GSE1: variants seen among roughly 807,000 people sequenced by gnomAD.
GSE1 encodes genetic suppressor element 1.
GSE1 carries 32 observed loss-of-function variants against 112.6 expected under a neutral mutation model. The observed-to-expected ratio is 0.28, with a 90% CI of 0.21 to 0.38. GSE1 has a LOEUF of 0.38. GSE1 is among the 10% of genes least tolerant of loss of function. The pLI is 1.00. For synonymous variants in GSE1, 1,115 were observed against 735.6 expected, an observed-to-expected ratio of 1.52 and a Z score of -8.35; for missense variants, 2,348 against 1,699.2, an observed-to-expected ratio of 1.38 and a Z score of -6.71.
chr16:85,547,386 C>A (rs925682879), intron 2 of GSE1, among the ~76,000 whole-genome samples: 1 of 152,188 alleles, frequency 6.6e-6, no homozygotes, highest in Non-Finnish European at 1.5e-5. Flanking sequence ...TTCCAGCACC[C>A]GGGGAATCCA....
chr16:85,672,692 G>C lies in GSE1; in HGVS notation c.*153G>C. 2 of 494,708 alleles carry C rather than the reference G, an allele frequency of 4.0e-6. No individual in the cohort carries two copies. Among genetic ancestry groups the C allele is most frequent in the East Asian group, 3.2e-5 (1 of 31,452 alleles). The allele number at this position is 494,708 out of a possible 1,614,324, so 30.6% of individuals were successfully genotyped here. On this transcript the variant is annotated 3_prime_UTR_variant, in exon 16 of 16. Transcript: ENST00000253458. ...AAGGATTCCAGGCTCCAGAAAAAAT[G>C]AATGAACTCACCTTGACGTCAATGC...
chr16:85,171,767 G>C (rs2074361987), exon 1 of GSE1: 1 of 985,494 alleles, frequency 1.0e-6, no homozygotes, highest in African/African-American at 1.7e-5. Context: ...ACCCGCCAAG[G>C]ACCCATGAGC....
At chr16:85,308,181 C>G (rs1007683733) in intron 1 of GSE1, among the ~76,000 whole-genome samples, 15 of 152,128 alleles carry the variant, frequency 9.9e-5, no homozygotes, top group African/African-American at 3.6e-4. Flanking sequence ...CTGCTCTTCT[C>G]TTTGAATTCC....
intron 1 of GSE1, among the ~76,000 whole-genome samples, chr16:85,581,862 A>G (rs1279247409): frequency 6.6e-6 from 1 of 152,142 alleles, no homozygotes; most frequent in East Asian, 1.9e-4. Context: ...TCCGAATCTT[A>G]TGGGGTTCTA....
intron 2 of GSE1, among the ~76,000 whole-genome samples, chr16:85,408,616 GC>G (rs1286162189): frequency 3.9e-5 from 1 of 25,788 alleles, no homozygotes. Context: ...TTACTCTCAG[GC>G]CCCCCTGGAT....
intron 14 of GSE1, among the ~76,000 whole-genome samples, chr16:85,669,114 C>T (rs2053121308): frequency 6.6e-6 from 1 of 152,262 alleles, no homozygotes; most frequent in African/African-American, 2.4e-5. Flanking sequence ...GTATACTGCA[C>T]ACCACCTTCT....
At chr16:85,257,248 A>G (rs1907185795) in intron 1 of GSE1, among the ~76,000 whole-genome samples, 1 of 152,136 alleles carries the variant, frequency 6.6e-6, no homozygotes, top group South Asian at 2.1e-4. Flanking sequence ...AGCTGGCATT[A>G]CAGGAGCCCT....
chr16:85,637,581 C>T (rs928462242), intron 2 of GSE1, among the ~76,000 whole-genome samples: 45 of 152,254 alleles, frequency 3.0e-4, no homozygotes, highest in African/African-American at 9.9e-4. Flanking sequence ...TGCTGTGCCC[C>T]TGGCGGGCTC....
chr16:85,489,904 G>A (rs1442208770), intron 2 of GSE1: 1 of 152,236 alleles, frequency 6.6e-6, no homozygotes, highest in Non-Finnish European at 1.5e-5. Flanking sequence ...AGGCGAGAGT[G>A]TAGCCGTGGC....
chr16:85,662,706 T>C, intron 9 of GSE1: 1 of 458,690 alleles, frequency 2.2e-6, no homozygotes, highest in Non-Finnish European at 3.9e-6. Flanking sequence ...AATGGTTCCC[T>C]GCCAGGGGGA....
chr16:85,481,535 G>A (rs966262077), intron 2 of GSE1, among the ~76,000 whole-genome samples: 2 of 152,194 alleles, frequency 1.3e-5, no homozygotes, highest in Non-Finnish European at 2.9e-5. Flanking sequence ...TTCCAGGTGG[G>A]GAGTTGATTG....
At chr16:85,191,385 C>T (rs2074817301) in intron 1 of GSE1, among the ~76,000 whole-genome samples, 1 of 152,162 alleles carries the variant, frequency 6.6e-6, no homozygotes, top group Non-Finnish European at 1.5e-5. Context: ...AATTGTATAA[C>T]CATCACCGCT....
rs574602172 is a variant in GSE1 at position 85,660,758 on chromosome 16, G to A, written c.1641-388G>A. ...CAGTTCTCCTGCCTCAGCCTCTGGA[G>A]TAGCTGGGATTACAGGCACCCGCCA... is the stretch of plus-strand genomic sequence containing the variant. On this transcript the variant is annotated intron_variant, in intron 8 of 15. Transcript: ENST00000253458. Among the ~76,000 whole-genome samples, 11 of 152,108 alleles carry A rather than the reference G, an allele frequency of 7.2e-5. No homozygotes were observed. In the East Asian group the frequency reaches 7.9e-4, roughly 11 times the overall value.
chr16:85,169,902 C>A, exon 1 of GSE1: 6 of 984,340 alleles, frequency 6.1e-6, no homozygotes, highest in Non-Finnish European at 7.2e-6. Flanking sequence ...CGGGCGCAGG[C>A]GGCCGCCGTG....
At chr16:85,399,208 G>A (rs1459120530) in intron 2 of GSE1, among the ~76,000 whole-genome samples, 1 of 152,040 alleles carries the variant, frequency 6.6e-6, no homozygotes, top group Non-Finnish European at 1.5e-5. Flanking sequence ...TGGTGCTGTG[G>A]GGAGCCCTCC....
chr16:85,667,419 C>T (rs781289513), intron 13 of GSE1, among the ~76,000 whole-genome samples: 2 of 152,262 alleles, frequency 1.3e-5, no homozygotes, highest in African/African-American at 4.8e-5. Context: ...CGCCATGAGA[C>T]AGGGCATGCC....
At chr16:85,438,572 A>G (rs58340897) in intron 2 of GSE1, among the ~76,000 whole-genome samples, 2,939 of 152,304 alleles carry the variant, frequency 0.019, 50 homozygotes, top group East Asian at 0.1. Context: ...GACCCACAGC[A>G]GTGGAGTCAC....
chr16:85,354,414 AG>A (rs1267808850), intron 1 of GSE1, among the ~76,000 whole-genome samples: 2 of 152,254 alleles, frequency 1.3e-5, no homozygotes, highest in Non-Finnish European at 2.9e-5. Context: ...GGCACATAGT[AG>A]GTGCTCAGTA....
At chr16:85,231,206 CAGA>C (rs2143837687) in intron 1 of GSE1, among the ~76,000 whole-genome samples, 1 of 131,470 alleles carries the variant, frequency 7.6e-6, no homozygotes, top group Admixed American at 7.8e-5. Flanking sequence ...GGATGATGGA[CAGA>C]AGGATAGATG....
Sources: gnomAD v4.1 joint callset for allele counts (sites outside exome capture counted in the v4.1 genomes callset) on GRCh38, gnomAD v4.1.1 for gene constraint, MANE v1.5 for transcripts, NCBI Gene and HGNC (gene_info 2026-07-23, HGNC 2026-07-21) for gene names.